KRTAP10-10: variants seen among roughly 807,000 people sequenced by gnomAD.
KRTAP10-10 encodes keratin-associated protein 10-10.
For synonymous variants in KRTAP10-10, 139 were observed against 137.6 expected (o/e 1.01, Z -0.07); for missense variants, 324 against 319.9 (o/e 1.01, Z -0.10).
In KRTAP10-10 at chr21:44,638,095, T is replaced by C. The variant is rs756801895; in HGVS notation, c.678T>C (p.Cys226=). 5 of 1,613,552 alleles carry C rather than the reference T, an allele frequency of 3.1e-6. No homozygotes were observed. Among genetic ancestry groups the C allele is most frequent in the Non-Finnish European group, 4.2e-6 (5 of 1,179,826 alleles). The change falls in exon 1 of 1, where the codon TGT becomes TGC. Residue 226 remains cysteine (C), a synonymous_variant. Coordinates refer to ENST00000380095, the MANE Select transcript of KRTAP10-10 (RefSeq NM_181688.3). Reference sequence around the variant, plus strand: ...CCAGCTGCTGCCGCACGGCCTCCTGTGTTTCCCTCCTCTGCCGCCCCGTGT... The same window carrying C: ...CCAGCTGCTGCCGCACGGCCTCCTGCGTTTCCCTCCTCTGCCGCCCCGTGT... ...CQPSCCRTAS[C]VSLLCRPVCS... is the part of the protein sequence containing the mutation.
chr21:44,637,460 G>A lies in KRTAP10-10; in HGVS notation c.43G>A (p.Asp15Asn), dbSNP rs782030241. Residue 15 changes from aspartate (D) to asparagine (N), a missense_variant, in exon 1 of 1, where the codon GAC (aspartate) becomes AAC (asparagine). Coordinates refer to ENST00000380095, the MANE Select transcript of KRTAP10-10 (RefSeq NM_181688.3). The stretch of plus-strand genomic sequence containing the variant: ...GTCCATCTGCTCCAGCGCCTGCACT[G>A]ACTCTTGGCGGGTAGTCGACTGCCC... ...TMSICSSACT[D>N]SWRVVDCPES... 6.8e-6 allele frequency: 11 copies of A among 1,612,940 alleles called. No individual in the cohort carries two copies. The South Asian group carries it at 9.9e-5, about 15-fold the overall frequency.
chr21:44,637,691 C>T, the KRTAP10-10 span: 3 of 1,340,968 alleles, frequency 2.2e-6, no homozygotes, highest in Non-Finnish European at 3.1e-6. Flanking sequence ...CCCCTGCCAG[C>T]AGGCCTGCTG....
In KRTAP10-10 at chr21:44,637,448, A is replaced by C. The variant is rs782585770; in HGVS notation, c.31A>C (p.Ser11Arg). 2.5e-6 allele frequency: 4 copies of C among 1,611,554 alleles called. No homozygotes were observed. In the African/African-American group the frequency reaches 4.0e-5, roughly 16 times the overall value. ...CGCCTCCACCATGTCCATCTGCTCC[A>C]GCGCCTGCACTGACTCTTGGCGGGT... MAASTMSICS[S>R]ACTDSWRVVD... The change falls in exon 1 of 1, where the codon AGC becomes CGC. Residue 11 changes from serine (S) to arginine (R), a missense_variant. Transcript: ENST00000380095.
chr21:44,637,900 C>T lies in KRTAP10-10; in HGVS notation c.483C>T (p.Cys161=), dbSNP rs782366160. ...AGTCCGTCTGCTATGTGCCTGTGTGCTCTGGGGCTTCCACTTCATGCTGCC... is the reference window on the plus strand; with the variant it reads ...AGTCCGTCTGCTATGTGCCTGTGTGTTCTGGGGCTTCCACTTCATGCTGCC... ...CSKSVCYVPV[C]SGASTSCCQQ... The change falls in exon 1 of 1, where the codon TGC becomes TGT. Residue 161 remains cysteine, a synonymous_variant. Coordinates refer to ENST00000380095, the MANE Select transcript of KRTAP10-10 (RefSeq NM_181688.3). 3.9e-6 allele frequency: 6 copies of T among 1,535,758 alleles called. No individual in the cohort carries two copies. The highest frequency in any genetic ancestry group is 5.3e-6 in the Non-Finnish European group (6 of 1,128,132).
At position 44,637,386 on chromosome 21, in the gene KRTAP10-10, C is replaced by T. The variant is rs1555936940; in HGVS notation, c.-32C>T. 3.2e-6 allele frequency: 5 copies of T among 1,584,568 alleles called. No homozygotes were observed. The highest frequency in any genetic ancestry group is 4.3e-6 in the Non-Finnish European group (5 of 1,165,768). The stretch of plus-strand genomic sequence containing the variant: ...ACTCACACACTCACTCACTCACACA[C>T]CTCCCCCAGCTCACCGCCTCCCCAC... On this transcript the variant is annotated 5_prime_UTR_variant, in exon 1 of 1. Coordinates refer to ENST00000380095, the MANE Select transcript of KRTAP10-10 (RefSeq NM_181688.3).
chr21:44,637,432 C>CA, the KRTAP10-10 span: 1 of 1,608,138 alleles, frequency 6.2e-7, no homozygotes, highest in Non-Finnish European at 8.5e-7. Context: ...CCGCCTCCAC[C>CA]ATGTCCATCT....
Position 44,637,809 on chromosome 21 carries a change from G to A in KRTAP10-10, c.392G>A (p.Ser131Asn). 1 of 1,368,608 alleles carries A rather than the reference G, an allele frequency of 7.3e-7. No homozygotes were observed. The highest frequency in any genetic ancestry group is 1.3e-5 in the South Asian group (1 of 74,574). The allele number at this position is 1,368,608 out of a possible 1,614,324, so 84.8% of individuals were successfully genotyped here. The change falls in exon 1 of 1, where the codon AGC (serine) becomes AAC (asparagine). Residue 131 changes from serine to asparagine, a missense_variant. Physicochemically the swap from Ser to Asn is conservative, Grantham distance 46 (BLOSUM62 1). Coordinates refer to ENST00000380095, the MANE Select transcript of KRTAP10-10 (RefSeq NM_181688.3). ...ESSPSCCQQS[S>N]CQPTCCTSSP... The stretch of plus-strand genomic sequence containing the variant: ...TCCCCTTCATGCTGCCAGCAGTCTA[G>A]CTGCCAGCCAACTTGCTGCACCTCC...
rs199609167 is a variant in KRTAP10-10, at chr21:44,637,973, C to A, written c.556C>A (p.Pro186Thr). 74 of 1,613,940 alleles carry A rather than the reference C, an allele frequency of 4.6e-5. No individual in the cohort carries two copies. Among genetic ancestry groups the A allele is most frequent in the Middle Eastern group, 1.6e-4 (1 of 6,080 alleles). The change falls in exon 1 of 1, where the codon CCC becomes ACC. Residue 186 changes from proline to threonine, a missense_variant. Coordinates refer to ENST00000380095, the MANE Select transcript of KRTAP10-10 (RefSeq NM_181688.3). Reference protein sequence around the residue: ...PACCTASCCRPSSSVSLLCHP... With the variant: ...PACCTASCCRTSSSVSLLCHP... ...TTGCTGCACCGCCTCCTGCTGCAGA[C>A]CCTCCTCCTCCGTGTCCCTCCTCTG... is the stretch of plus-strand genomic sequence containing the variant.
rs782762285 is a variant in KRTAP10-10 at position 44,637,374 on chromosome 21, C to A, written c.-44C>A. On this transcript the variant is annotated 5_prime_UTR_variant, in exon 1 of 1. Transcript: ENST00000380095. ...ACACACACACTCACTCACACACTCA[C>A]TCACTCACACACCTCCCCCAGCTCA... 4 of 1,578,630 alleles carry A rather than the reference C, an allele frequency of 2.5e-6. No individual in the cohort carries two copies. Among genetic ancestry groups the A allele is most frequent in the Non-Finnish European group, 3.4e-6 (4 of 1,162,506 alleles).
rs782314776 is a variant in KRTAP10-10 at position 44,637,802 on chromosome 21, C to A, written c.385C>A (p.Gln129Lys). ...CGAGTCTTCCCCTTCATGCTGCCAG[C>A]AGTCTAGCTGCCAGCCAACTTGCTG... Reference protein sequence around the residue: ...CSESSPSCCQQSSCQPTCCTS... With the variant: ...CSESSPSCCQKSSCQPTCCTS... Residue 129 changes from glutamine to lysine, a missense_variant, in exon 1 of 1, where the codon CAG becomes AAG. By Grantham distance (53) the Gln-to-Lys change is moderately conservative (BLOSUM62 1). Transcript: ENST00000380095. 7 of 1,368,216 alleles carry A rather than the reference C, an allele frequency of 5.1e-6. No homozygotes were observed. The South Asian group carries it at 8.1e-5, about 16-fold the overall frequency. 84.8% of individuals were successfully genotyped at this position (1,368,216 alleles called of 1,614,324 possible). A position where few individuals can be genotyped will look rare whatever the true frequency, so the allele number is the denominator to read the frequency against.
At chr21:44,637,619 A>AG in the KRTAP10-10 span, 1 of 1,613,894 alleles carries the variant, frequency 6.2e-7, no homozygotes, top group Non-Finnish European at 8.5e-7. Context: ...AGGCTACACC[A>AG]GCTCCTGCAC....
At position 44,637,950 on chromosome 21, in the gene KRTAP10-10, G is replaced by C. The variant is rs782417692; in HGVS notation, c.533G>C (p.Cys178Ser). 6.2e-7 allele frequency: 1 copy of C among 1,614,060 alleles called. No individual in the cohort carries two copies. Among genetic ancestry groups the C allele is most frequent in the Non-Finnish European group, 8.5e-7 (1 of 1,179,976 alleles). Residue 178 changes from cysteine (C) to serine (S), a missense_variant, in exon 1 of 1, where the codon TGC (cysteine) becomes TCC (serine). By Grantham distance (112) the Cys-to-Ser change is moderately radical. Transcript: ENST00000380095. ...CAGCAGTCTAGCTGCCAGCCTGCTT[G>C]CTGCACCGCCTCCTGCTGCAGACCC... is the stretch of plus-strand genomic sequence containing the variant. The part of the protein sequence containing the change: ...CCQQSSCQPA[C>S]CTASCCRPSS...
chr21:44,637,537 G>C lies in KRTAP10-10; in HGVS notation c.120G>C (p.Leu40=). 1 of 1,613,538 alleles carries C rather than the reference G, an allele frequency of 6.2e-7. No homozygotes were observed. Among genetic ancestry groups the C allele is most frequent in the South Asian group, 1.1e-5 (1 of 91,048 alleles). Residue 40 remains leucine (L), a synonymous_variant, in exon 1 of 1, where the codon CTG becomes CTC. Transcript: ENST00000380095. ...GTGCCCCAGCCCCCAGCTTGACCCT[G>C]GTCTGCACCCCAGTGAGCTGTGTGT... is the stretch of plus-strand genomic sequence containing the variant. The part of the protein sequence containing the change: ...CCCAPAPSLT[L]VCTPVSCVSS...
Position 44,638,174 on chromosome 21 carries a change from C to T in KRTAP10-10, c.*1C>T. 1 of 1,606,062 alleles carries T rather than the reference C, an allele frequency of 6.2e-7. No homozygotes were observed. On this transcript the variant is annotated 3_prime_UTR_variant, in exon 1 of 1. Coordinates refer to ENST00000380095, the MANE Select transcript of KRTAP10-10 (RefSeq NM_181688.3). ...CTCTGGCCAGAAGTCCAGCTGCTGA[C>T]AGCCCTGGATGTGATCCGGAGTCCC...
Position 44,637,719 on chromosome 21 carries a change from T to C in KRTAP10-10, c.302T>C (p.Val101Ala), listed in dbSNP as rs115298124. The change falls in exon 1 of 1, where the codon GTG (valine) becomes GCG (alanine). Residue 101 changes from valine (V) to alanine (A), a missense_variant. Physicochemically the swap from Val to Ala is moderately conservative, Grantham distance 64 (BLOSUM62 0). Transcript: ENST00000380095. ...QQACCVPVCC[V>A]PVCCVPVCNK... ...GCCTGCTGTGTGCCTGTCTGCTGTG[T>C]GCCCGTCTGCTGCGTGCCCGTCTGT... 2 of 1,240,332 alleles carry C rather than the reference T, an allele frequency of 1.6e-6. No homozygotes were observed. Among genetic ancestry groups the C allele is most frequent in the South Asian group, 3.2e-5 (2 of 62,164 alleles). 76.8% of individuals were successfully genotyped at this position (1,240,332 alleles called of 1,614,324 possible). A position where few individuals can be genotyped will look rare whatever the true frequency, so the allele number is the denominator to read the frequency against.
Position 44,637,735 on chromosome 21 carries a change from G to A in KRTAP10-10, c.318G>A (p.Val106=). 1 of 1,337,694 alleles carries A rather than the reference G, an allele frequency of 7.5e-7. No individual in the cohort carries two copies. The highest frequency in any genetic ancestry group is 1.0e-6 in the Non-Finnish European group (1 of 978,244). 82.9% of individuals were successfully genotyped at this position (1,337,694 alleles called of 1,614,324 possible). The change falls in exon 1 of 1, where the codon GTG becomes GTA. Residue 106 remains valine, a synonymous_variant. Transcript: ENST00000380095. ...VPVCCVPVCC[V]PVCNKPVCFV... is the part of the protein sequence containing the mutation. Reference sequence around the variant, plus strand: ...TCTGCTGTGTGCCCGTCTGCTGCGTGCCCGTCTGTAACAAGCCTGTGTGCT... The same window carrying A: ...TCTGCTGTGTGCCCGTCTGCTGCGTACCCGTCTGTAACAAGCCTGTGTGCT...
rs1485373390 is a variant in KRTAP10-10 at position 44,637,787 on chromosome 21, C to T, written c.370C>T (p.Pro124Ser). 1 of 1,361,664 alleles carries T rather than the reference C, an allele frequency of 7.3e-7. No homozygotes were observed. Among genetic ancestry groups the T allele is most frequent in the Non-Finnish European group, 1.0e-6 (1 of 992,430 alleles). The allele number at this position is 1,361,664 out of a possible 1,614,324, so 84.3% of individuals were successfully genotyped here. ...CFVPTCSESS[P>S]SCCQQSSCQP... is the part of the protein sequence containing the mutation. Reference sequence around the variant, plus strand: ...CGTGCCTACCTGCTCCGAGTCTTCCCCTTCATGCTGCCAGCAGTCTAGCTG... The same window carrying T: ...CGTGCCTACCTGCTCCGAGTCTTCCTCTTCATGCTGCCAGCAGTCTAGCTG... The change falls in exon 1 of 1, where the codon CCT becomes TCT. Residue 124 changes from proline (P) to serine (S), a missense_variant. By Grantham distance (74) the Pro-to-Ser change is moderately conservative. Coordinates refer to ENST00000380095, the MANE Select transcript of KRTAP10-10 (RefSeq NM_181688.3).
rs2146220983 is a variant in KRTAP10-10 at position 44,637,846 on chromosome 21, G to A, written c.429G>A (p.Gln143=). The A allele has an allele frequency of 2.5e-6, 4 of 1,610,428 alleles. No individual in the cohort carries two copies. The highest frequency in any genetic ancestry group is 3.4e-6 in the Non-Finnish European group (4 of 1,177,760). The change falls in exon 1 of 1, where the codon CAG becomes CAA. Residue 143 remains glutamine, a synonymous_variant. Transcript: ENST00000380095. ...QPTCCTSSPC[Q]QACCVPVCSK... is the part of the protein sequence containing the mutation. ...CTTGCTGCACCTCCTCCCCATGCCA[G>A]CAGGCCTGCTGTGTGCCTGTCTGCT... is the stretch of plus-strand genomic sequence containing the variant.
Position 44,638,105 on chromosome 21 carries a change from C to G in KRTAP10-10, c.688C>G (p.Leu230Val). 6.2e-7 allele frequency: 1 copy of G among 1,613,620 alleles called. No homozygotes were observed. Among genetic ancestry groups the G allele is most frequent in the African/African-American group, 1.3e-5 (1 of 74,948 alleles). Residue 230 changes from leucine (L) to valine (V), a missense_variant, in exon 1 of 1, where the codon CTC (leucine) becomes GTC (valine). Leu to Val is a conservative substitution (Grantham distance 32). Coordinates refer to ENST00000380095, the MANE Select transcript of KRTAP10-10 (RefSeq NM_181688.3). ...CCGCACGGCCTCCTGTGTTTCCCTC[C>G]TCTGCCGCCCCGTGTGCTCCCGCCC... ...CCRTASCVSL[L>V]CRPVCSRPAC...
Sources: allele counts gnomAD v4.1 joint callset, GRCh38; gene constraint gnomAD v4.1.1; transcripts MANE v1.5; gene names NCBI Gene and HGNC (gene_info 2026-07-23, HGNC 2026-07-21).